Variants in NR3C2 observed in about 807,000 individuals in gnomAD.
The protein encoded by NR3C2 is nuclear receptor subfamily 3 group C member 2.
Under a neutral mutation model 86.4 loss-of-function variants are expected in NR3C2, and 15 were observed. The ratio of observed to expected loss-of-function variants is 0.17; its 90% confidence interval spans 0.12 to 0.27. The LOEUF (loss-of-function observed/expected upper bound fraction) is 0.27. Among genes scored for constraint, NR3C2 ranks in the 10% least tolerant of loss-of-function variants. The pLI, the probability that NR3C2 is intolerant of heterozygous loss-of-function variation, is 1.00. For synonymous variants in NR3C2, 458 were observed against 450.5 expected (o/e 1.02, Z -0.21); for missense variants, 960 against 1,195.6 (o/e 0.80, Z 2.91).
At chr4:148,084,074 T>G (rs2149704315) in intron 8 of NR3C2, among the ~76,000 whole-genome samples, 1 of 151,996 alleles carries the variant, frequency 6.6e-6, no homozygotes, top group African/African-American at 2.4e-5. Flanking sequence ...AAGGGGAGAA[T>G]AGAACCAAGT....
Position 148,134,635 on chromosome 4 carries a change from C to CT in NR3C2, c.2511-14348dup, listed in dbSNP as rs1449918599. The stretch of plus-strand genomic sequence containing the variant: ...GTTAGCTCCCTGTGATTCTCTCTCT[C>CT]TCTCTCTCTTTTTTTTTTTTTTTTT... On this transcript the variant is annotated intron_variant, in intron 6 of 8. Coordinates refer to ENST00000358102, the MANE Select transcript of NR3C2 (RefSeq NM_000901.5). Among the ~76,000 whole-genome samples, 21 of 67,636 alleles carry CT rather than the reference C, an allele frequency of 3.1e-4. 1 individual carries two copies. Among genetic ancestry groups the CT allele is most frequent in the African/African-American group, 1.0e-3 (21 of 20,854 alleles). 44.4% of individuals were successfully genotyped at this position (67,636 alleles called of 152,430 possible).
chr4:148,352,382 ATCT>A (rs759937755), intron 2 of NR3C2, among the ~76,000 whole-genome samples: 217 of 94,418 alleles, frequency 2.3e-3, no homozygotes, highest in Non-Finnish European at 3.7e-3. Flanking sequence ...TCATCTATCT[ATCT>A]ATCTATCTAT....
intron 7 of NR3C2, among the ~76,000 whole-genome samples, chr4:148,116,790 T>C (rs1313766843): frequency 1.3e-5 from 2 of 152,148 alleles, no homozygotes; most frequent in African/African-American, 4.8e-5. Context: ...TTCAAAATGG[T>C]ATCAGAATCT....
intron 4 of NR3C2, among the ~76,000 whole-genome samples, chr4:148,167,803 G>C (rs2149781314): frequency 6.6e-6 from 1 of 152,282 alleles, no homozygotes; most frequent in Admixed American, 6.5e-5. Context: ...AGAGGATGTT[G>C]GGTTTCACCC....
At chr4:148,341,538 A>C (rs1744750300) in intron 2 of NR3C2, among the ~76,000 whole-genome samples, 2 of 152,124 alleles carry the variant, frequency 1.3e-5, no homozygotes, top group African/African-American at 2.4e-5. Flanking sequence ...TAGTGTTTGA[A>C]AGCACAGTAG....
chr4:148,410,586 T>G (rs1294411017), intron 2 of NR3C2, among the ~76,000 whole-genome samples: 1 of 152,104 alleles, frequency 6.6e-6, no homozygotes, highest in East Asian at 1.9e-4. Context: ...AGAAATAAAA[T>G]TAAAATACAA....
chr4:148,144,518 A>G (rs1733770648), intron 6 of NR3C2, among the ~76,000 whole-genome samples: 1 of 152,118 alleles, frequency 6.6e-6, no homozygotes, highest in African/African-American at 2.4e-5. Context: ...CTCCAACTCT[A>G]ATTCTTACCA....
chr4:148,331,669 A>C (rs1744242661), intron 2 of NR3C2, among the ~76,000 whole-genome samples: 1 of 152,248 alleles, frequency 6.6e-6, no homozygotes, highest in South Asian at 2.1e-4. Context: ...AACAGAAAGA[A>C]GCTTCCTACT....
chr4:148,189,085 C>A (rs993878916), intron 4 of NR3C2, among the ~76,000 whole-genome samples: 1 of 151,970 alleles, frequency 6.6e-6, no homozygotes, highest in Non-Finnish European at 1.5e-5. Context: ...CGCGCCACCA[C>A]CCCTGGCTAA....
chr4:148,183,129 T>C (rs1407653262), intron 4 of NR3C2, among the ~76,000 whole-genome samples: 1 of 152,214 alleles, frequency 6.6e-6, no homozygotes, highest in Non-Finnish European at 1.5e-5. Flanking sequence ...GCTTCATCCA[T>C]GTCCCTGTAA....
At chr4:148,370,582 T>A (rs1746368352) in intron 2 of NR3C2, among the ~76,000 whole-genome samples, 1 of 152,114 alleles carries the variant, frequency 6.6e-6, no homozygotes. Flanking sequence ...TAAAATTACA[T>A]GAAATGCTGT....
intron 2 of NR3C2, among the ~76,000 whole-genome samples, chr4:148,391,373 T>C (rs1747544472): frequency 6.6e-6 from 1 of 152,258 alleles, no homozygotes; most frequent in Non-Finnish European, 1.5e-5. Flanking sequence ...AATCTTTTAA[T>C]AGCATTTGTA....
intron 2 of NR3C2, among the ~76,000 whole-genome samples, chr4:148,368,970 G>A (rs1432175781): frequency 1.3e-5 from 2 of 152,082 alleles, no homozygotes; most frequent in African/African-American, 4.8e-5. Flanking sequence ...GCTTCAGTGA[G>A]CTCCATTCTA....
chr4:148,248,778 A>G (rs1739436278), intron 3 of NR3C2, among the ~76,000 whole-genome samples: 1 of 152,244 alleles, frequency 6.6e-6, no homozygotes, highest in Admixed American at 6.5e-5. Flanking sequence ...ACATGTACAT[A>G]AAGTAGCCAC....
chr4:148,398,880 T>C (rs1290733802), intron 2 of NR3C2, among the ~76,000 whole-genome samples: 1 of 152,190 alleles, frequency 6.6e-6, no homozygotes, highest in Non-Finnish European at 1.5e-5. Flanking sequence ...CGCATGTTTG[T>C]GTTTGAATGA....
chr4:148,340,906 A>G (rs1410229645), intron 2 of NR3C2, among the ~76,000 whole-genome samples: 1 of 152,148 alleles, frequency 6.6e-6, no homozygotes. Context: ...AATGCACATA[A>G]AACCACAGTG....
At chr4:148,155,812 T>C (rs1232611571) in intron 4 of NR3C2, among the ~76,000 whole-genome samples, 1 of 152,116 alleles carries the variant, frequency 6.6e-6, no homozygotes, top group African/African-American at 2.4e-5. Context: ...AAGTCAATCC[T>C]AAGCCAAAAG....
At chr4:148,431,407 A>T (rs1307931633) in intron 2 of NR3C2, among the ~76,000 whole-genome samples, 3 of 152,168 alleles carry the variant, frequency 2.0e-5, no homozygotes, top group African/African-American at 7.2e-5. Flanking sequence ...CTTGGGGCAC[A>T]TTAGTGATCA....
chr4:148,221,422 T>C (rs940158504), intron 3 of NR3C2, among the ~76,000 whole-genome samples: 8 of 152,180 alleles, frequency 5.3e-5, no homozygotes, highest in African/African-American at 1.9e-4. Context: ...TCATGAAATA[T>C]TACAAATGAA....
Sources: gnomAD v4.1 joint callset for allele counts (sites outside exome capture counted in the v4.1 genomes callset) on GRCh38, gnomAD v4.1.1 for gene constraint, MANE v1.5 for transcripts, NCBI Gene and HGNC (gene_info 2026-07-23, HGNC 2026-07-21) for gene names.